The following SLC7A13 variants were observed in gnomAD, a reference collection of about 807,000 sequenced individuals.
SLC7A13 encodes the protein X-amino acid transporter 2.
A neutral mutation model predicts 32.0 loss-of-function variants in SLC7A13; 31 were observed. The observed-to-expected ratio is 0.97, with a 90% CI of 0.73 to 1.31. The LOEUF (loss-of-function observed/expected upper bound fraction) is 1.31, where lower values mean the gene tolerates loss of function less well. Ranked by LOEUF, SLC7A13 falls within the 50% of genes most tolerant of loss-of-function variation. The pLI, the probability that SLC7A13 is intolerant of heterozygous loss-of-function variation, is 0.00. For synonymous variants in SLC7A13, 232 were observed against 206.9 expected (o/e 1.12, Z -1.04); for missense variants, 633 against 546.9 (o/e 1.16, Z -1.57).
At position 86,214,147 on chromosome 8, in the gene SLC7A13, G is replaced by A. The variant is rs965592070; in HGVS notation, c.*266C>T. 1.2e-5 allele frequency: 3 copies of A among 250,616 alleles called. No individual in the cohort carries two copies. Among genetic ancestry groups the A allele is most frequent in the Non-Finnish European group, 2.3e-5 (3 of 132,434 alleles). 15.5% of individuals were successfully genotyped at this position (250,616 alleles called of 1,614,324 possible). On this transcript the variant is annotated 3_prime_UTR_variant, in exon 4 of 4. Coordinates refer to ENST00000297524, the MANE Select transcript of SLC7A13 (RefSeq NM_138817.3). Reference sequence around the variant, plus strand: ...TACAGAAAAAAAAAGTGAGAGAATGGAAGTTGTATAATCACTCTATCAAGC... The same window carrying A: ...TACAGAAAAAAAAAGTGAGAGAATGAAAGTTGTATAATCACTCTATCAAGC...
rs1316528590 is a variant in SLC7A13, at chr8:86,214,481, AC to A, written c.1344del (p.Trp448CysfsTer5). The A allele has an allele frequency of 1.1e-5, 17 of 1,612,426 alleles. No individual in the cohort carries two copies. The African/African-American group carries it at 2.1e-4, about 20-fold the overall frequency. On this transcript the variant is annotated frameshift_variant, in exon 4 of 4. Coordinates refer to ENST00000297524, the MANE Select transcript of SLC7A13 (RefSeq NM_138817.3). LOFTEE classifies it high-confidence loss of function. The stretch of plus-strand genomic sequence containing the variant: ...TGTAAATAGCAAGTCATCTTCTCAA[AC>A]CAAGCCAATCTTATTTTAAAATGTA... The part of the protein sequence containing the change: ...PLIHFKIRLA[W>X]FEKMTCYLQL...
Position 86,217,587 on chromosome 8 carries a change from T to C in SLC7A13, c.1062A>G (p.Thr354=), listed in dbSNP as rs763481402. The C allele has an allele frequency of 1.6e-5, 26 of 1,613,192 alleles. No homozygotes were observed. The highest frequency in any genetic ancestry group is 2.1e-5 in the Non-Finnish European group (25 of 1,179,592). Residue 354 remains threonine, a synonymous_variant, in exon 3 of 4, where the codon ACA becomes ACG. Transcript: ENST00000297524. Reference sequence around the variant, plus strand: ...TATAGTTTATCAAATCAATTAGACTTGTTAAGATAATTGCAAGGGATCCCA... The same window carrying C: ...TATAGTTTATCAAATCAATTAGACTCGTTAAGATAATTGCAAGGGATCCCA... The part of the protein sequence containing the change: ...VTLGSLAIIL[T]SLIDLINYIF...
rs139636334 is a variant in SLC7A13 at position 86,229,659 on chromosome 8, G to A, written c.619C>T (p.Leu207Phe). The change falls in exon 1 of 4, where the codon CTT (leucine) becomes TTT (phenylalanine). Residue 207 changes from leucine (L) to phenylalanine (F), a missense_variant. Coordinates refer to ENST00000297524, the MANE Select transcript of SLC7A13 (RefSeq NM_138817.3). Reference sequence around the variant, plus strand: ...TATCCTTGGAAGATGGCTTGTATAAGGTGAGAGATATCTGGAAGTTCAGCA... The same window carrying A: ...TATCCTTGGAAGATGGCTTGTATAAAGTGAGAGATATCTGGAAGTTCAGCA... ...FDAELPDISH[L>F]IQAIFQGYFA... 2.5e-6 allele frequency: 4 copies of A among 1,614,018 alleles called. No individual in the cohort carries two copies. Among genetic ancestry groups the A allele is most frequent in the Admixed American group, 3.3e-5 (2 of 59,990 alleles).
chr8:86,227,340 G>A (rs1009644286), intron 1 of SLC7A13, among the ~76,000 whole-genome samples: 1 of 152,026 alleles, frequency 6.6e-6, no homozygotes, highest in Non-Finnish European at 1.5e-5. Flanking sequence ...GATTGAAAGT[G>A]AGAAAAAATG....
At position 86,228,709 on chromosome 8, in the gene SLC7A13, CG is replaced by C. The variant is rs533930388; in HGVS notation, c.685+883del. Among the ~76,000 whole-genome samples the C allele has an allele frequency of 1.4e-3, 220 of 152,054 alleles. 1 individual carries two copies. Among genetic ancestry groups the C allele is most frequent in the Non-Finnish European group, 2.5e-3 (173 of 67,980 alleles). On this transcript the variant is annotated intron_variant, in intron 1 of 3. Coordinates refer to ENST00000297524, the MANE Select transcript of SLC7A13 (RefSeq NM_138817.3). ...AAAAATGCAAAAATAAGCCAGGCATCGTGGTGCACACGTGTAGTCCCAGCTA... is the reference window on the plus strand; with the variant it reads ...AAAAATGCAAAAATAAGCCAGGCATCTGGTGCACACGTGTAGTCCCAGCTA...
intron 1 of SLC7A13, among the ~76,000 whole-genome samples, chr8:86,224,134 T>C (rs1820351015): frequency 6.6e-6 from 1 of 152,180 alleles, no homozygotes; most frequent in Non-Finnish European, 1.5e-5. Context: ...CTAGTGACTA[T>C]GGTAAGTGTC....
rs1278506482 is a variant in SLC7A13, at chr8:86,229,581, A to G, written c.685+12T>C. Reference sequence around the variant, plus strand: ...TCATGATTTTAGATTTTTTTCCTCAATGGATTGTTACCTGCTATAAGTGTA... The same window carrying G: ...TCATGATTTTAGATTTTTTTCCTCAGTGGATTGTTACCTGCTATAAGTGTA... On this transcript the variant is annotated intron_variant, in intron 1 of 3. Coordinates refer to ENST00000297524, the MANE Select transcript of SLC7A13 (RefSeq NM_138817.3). The G allele has an allele frequency of 3.8e-6, 6 of 1,595,056 alleles. No individual in the cohort carries two copies. The African/African-American group carries it at 4.0e-5, about 11-fold the overall frequency.
At position 86,230,377 on chromosome 8, in the gene SLC7A13, A is replaced by G; in HGVS notation, c.-100T>C. 2.7e-6 allele frequency: 3 copies of G among 1,131,040 alleles called. No individual in the cohort carries two copies. The highest frequency in any genetic ancestry group is 2.4e-6 in the Non-Finnish European group (2 of 822,698). The allele number at this position is 1,131,040 out of a possible 1,614,324, so 70.1% of individuals were successfully genotyped here. A position where few individuals can be genotyped will look rare whatever the true frequency, so the allele number is the denominator to read the frequency against. ...GTTGATGGATTCCTGAAATAAAATA[A>G]TTCTGTCCTTCCTGTTCCATTTTCG... On this transcript the variant is annotated 5_prime_UTR_variant, in exon 1 of 4. Coordinates refer to ENST00000297524, the MANE Select transcript of SLC7A13 (RefSeq NM_138817.3).
At chr8:86,215,719 C>T (rs1029511842) in intron 3 of SLC7A13, 1 of 435,374 alleles carries the variant, frequency 2.3e-6, no homozygotes, top group Non-Finnish European at 4.6e-6. Context: ...AACAAAGAAT[C>T]TCTTCTTAGC....
At chr8:86,218,683 GATCTT>G (rs1267920404) in intron 2 of SLC7A13, among the ~76,000 whole-genome samples, 2 of 148,460 alleles carry the variant, frequency 1.3e-5, no homozygotes, top group African/African-American at 5.0e-5. Flanking sequence ...AAAGATAAAA[GATCTT>G]ATGAGTACTA....
intron 1 of SLC7A13, among the ~76,000 whole-genome samples, chr8:86,226,751 A>G (rs1263684624): frequency 6.6e-6 from 1 of 152,178 alleles, no homozygotes; most frequent in Admixed American, 6.5e-5. Flanking sequence ...CTCAGATGGA[A>G]ACCATTTTGT....
Position 86,229,581 on chromosome 8 carries a change from A to T in SLC7A13, c.685+12T>A. 6.3e-7 allele frequency: 1 copy of T among 1,595,170 alleles called. No individual in the cohort carries two copies. Among genetic ancestry groups the T allele is most frequent in the African/African-American group, 1.3e-5 (1 of 74,248 alleles). On this transcript the variant is annotated intron_variant, in intron 1 of 3. Coordinates refer to ENST00000297524, the MANE Select transcript of SLC7A13 (RefSeq NM_138817.3). ...TCATGATTTTAGATTTTTTTCCTCAATGGATTGTTACCTGCTATAAGTGTA... is the reference window on the plus strand; with the variant it reads ...TCATGATTTTAGATTTTTTTCCTCATTGGATTGTTACCTGCTATAAGTGTA...
intron 1 of SLC7A13, among the ~76,000 whole-genome samples, chr8:86,224,517 AAAAAAAGGCC>A (rs1415807767): frequency 1.3e-5 from 2 of 152,174 alleles, no homozygotes; most frequent in Non-Finnish European, 2.9e-5. Context: ...TATTAAGTGC[AAAAAAAGGCC>A]AAAAAAGTTG....
intron 2 of SLC7A13, among the ~76,000 whole-genome samples, chr8:86,220,714 G>A (rs192136055): frequency 6.6e-6 from 1 of 152,064 alleles, no homozygotes; most frequent in African/African-American, 2.4e-5. Context: ...CTTAATTTAA[G>A]AAACTATATT....
Position 86,217,843 on chromosome 8 carries a change from CA to C in SLC7A13, c.818-13del. On this transcript the variant is annotated splice_polypyrimidine_tract_variant and intron_variant, in intron 2 of 3. Coordinates refer to ENST00000297524, the MANE Select transcript of SLC7A13 (RefSeq NM_138817.3). ...GATAGCTACAGCATCTGCAGAAAAA[CA>C]AAAATACACAAAAGAAAATGTGTTA... 1 of 1,492,612 alleles carries C rather than the reference CA, an allele frequency of 6.7e-7. No homozygotes were observed. The highest frequency in any genetic ancestry group is 8.9e-7 in the Non-Finnish European group (1 of 1,123,844). 92.5% of individuals were successfully genotyped at this position (1,492,612 alleles called of 1,614,324 possible).
intron 1 of SLC7A13, among the ~76,000 whole-genome samples, chr8:86,226,276 C>T (rs1052639967): frequency 2.6e-5 from 4 of 152,166 alleles, no homozygotes; most frequent in Non-Finnish European, 5.9e-5. Flanking sequence ...GAGATTTGCT[C>T]GTTATGCCAG....
chr8:86,217,392 C>A (rs1046776151), intron 3 of SLC7A13, 78 bp downstream of exon 3: 8 of 1,237,814 alleles, frequency 6.5e-6, no homozygotes, highest in African/African-American at 1.5e-5. Flanking sequence ...CTTATAGATG[C>A]TCTGATTATA....
Position 86,222,992 on chromosome 8 carries a change from G to A in SLC7A13, c.797C>T (p.Pro266Leu), listed in dbSNP as rs1173193642. Residue 266 changes from proline (P) to leucine (L), a missense_variant, in exon 2 of 4, where the codon CCC becomes CTC. By Grantham distance (98) the Pro-to-Leu change is moderately conservative. Coordinates refer to ENST00000297524, the MANE Select transcript of SLC7A13 (RefSeq NM_138817.3). Reference protein sequence around the residue: ...VNISYLTVLTPREILSSDAVA... With the variant: ...VNISYLTVLTLREILSSDAVA... ...CAAACCTGAAGAGAGAATTTCCCTG[G>A]GTGTCAGAACAGTCAGATAGGAAAT... 6.2e-7 allele frequency: 1 copy of A among 1,603,970 alleles called. No homozygotes were observed. Among genetic ancestry groups the A allele is most frequent in the South Asian group, 1.1e-5 (1 of 88,988 alleles).
chr8:86,219,081 T>C (rs1187724621), intron 2 of SLC7A13, among the ~76,000 whole-genome samples: 1 of 152,214 alleles, frequency 6.6e-6, no homozygotes, highest in African/African-American at 2.4e-5. Context: ...TTTACTTTTT[T>C]CCTTAGCCTT....
Sources: gnomAD v4.1 joint callset for allele counts (sites outside exome capture counted in the v4.1 genomes callset) on GRCh38, gnomAD v4.1.1 for gene constraint, MANE v1.5 for transcripts, NCBI Gene and HGNC (gene_info 2026-07-23, HGNC 2026-07-21) for gene names.